The following HDAC4 variants were observed in gnomAD, a reference collection of about 807,000 sequenced individuals.
The protein encoded by HDAC4 is histone deacetylase A.
In HDAC4, 16 loss-of-function variants were observed where a neutral mutation model predicts 135.1. The ratio of observed to expected loss-of-function variants is 0.12; its 90% CI spans 0.08 to 0.18. The LOEUF (loss-of-function observed/expected upper bound fraction) is 0.18, where lower values mean the gene tolerates loss of function less well. Among genes scored for constraint, HDAC4 ranks in the 10% least tolerant of loss-of-function variants. HDAC4 has a pLI of 1.00. For missense variants in HDAC4, 1,143 were observed against 1,511.8 expected (o/e 0.76, Z 4.05); for synonymous variants, 685 against 653.4 (o/e 1.05, Z -0.74).
intron 2 of HDAC4, among the ~76,000 whole-genome samples, chr2:239,295,163 C>T (rs2051793376): frequency 1.3e-5 from 2 of 151,102 alleles, no homozygotes; most frequent in South Asian, 2.1e-4. Context: ...AAAAATTAGC[C>T]AGGCGTAGTG....
At chr2:239,384,586 C>T (rs1207703970) in intron 1 of HDAC4, among the ~76,000 whole-genome samples, 2 of 152,066 alleles carry the variant, frequency 1.3e-5, no homozygotes, top group African/African-American at 2.4e-5. Context: ...CACTGCACTC[C>T]GGCCTGCACA....
At chr2:239,329,652 T>C (rs1410846125) in intron 2 of HDAC4, among the ~76,000 whole-genome samples, 1 of 152,100 alleles carries the variant, frequency 6.6e-6, no homozygotes, top group Non-Finnish European at 1.5e-5. Flanking sequence ...ACAGGTTATT[T>C]ATATTTATCA....
chr2:239,385,491 G>C (rs987177560), intron 1 of HDAC4, among the ~76,000 whole-genome samples: 2 of 150,932 alleles, frequency 1.3e-5, no homozygotes, highest in African/African-American at 5.0e-5. Flanking sequence ...GGCAGAGCTA[G>C]AGCATGGAAA....
At chr2:239,082,481 C>A (rs1209724773) in intron 20 of HDAC4, among the ~76,000 whole-genome samples, 1 of 152,236 alleles carries the variant, frequency 6.6e-6, no homozygotes, top group Non-Finnish European at 1.5e-5. Flanking sequence ...AGCGCCATGG[C>A]ACAATCCTGA....
chr2:239,288,172 A>G (rs993947171), intron 2 of HDAC4, among the ~76,000 whole-genome samples: 2 of 152,210 alleles, frequency 1.3e-5, no homozygotes, highest in African/African-American at 4.8e-5. Context: ...GACAAGATTT[A>G]TCACAAACAA....
chr2:239,191,928 G>A (rs2044987486), intron 3 of HDAC4, among the ~76,000 whole-genome samples: 1 of 152,364 alleles, frequency 6.6e-6, no homozygotes, highest in South Asian at 2.1e-4. Flanking sequence ...CCACAGCGCA[G>A]CACGGGCTGC....
In HDAC4 at chr2:239,303,809, C is replaced by G. The variant is rs959519879; in HGVS notation, c.22+48869G>C. Among the ~76,000 whole-genome samples the G allele has an allele frequency of 2.6e-5, 4 of 152,172 alleles. No homozygotes were observed. Among genetic ancestry groups the G allele is most frequent in the African/African-American group, 9.7e-5 (4 of 41,430 alleles). ...GTGCTCAACTGCAGGGCGCGGCACT[C>G]GCCTATGCTCTCATGAAGCCCCGTG... is the stretch of plus-strand genomic sequence containing the variant. On this transcript the variant is annotated intron_variant, in intron 2 of 26. Transcript: ENST00000543185. This position sits in a 1 kb window ranked among gnomAD's most constrained non-coding sequence, Gnocchi z 5.1.
intron 14 of HDAC4, among the ~76,000 whole-genome samples, chr2:239,109,858 C>T (rs541682672): frequency 1.4e-4 from 21 of 152,272 alleles, no homozygotes; most frequent in Admixed American, 7.2e-4. Context: ...AGGTCACGTG[C>T]GCTAATATTT....
At chr2:239,342,536 G>A (rs746806285) in intron 2 of HDAC4, among the ~76,000 whole-genome samples, 5 of 152,146 alleles carry the variant, frequency 3.3e-5, no homozygotes, top group African/African-American at 4.8e-5. Flanking sequence ...GTTACAATAA[G>A]TTTTACTACT....
In HDAC4 at chr2:239,313,598, C is replaced by T. The variant is rs1188887820; in HGVS notation, c.22+39080G>A. On this transcript the variant is annotated intron_variant, in intron 2 of 26. Coordinates refer to ENST00000543185, the MANE Select transcript of HDAC4 (RefSeq NM_001378414.1). The surrounding 1 kb of genome is among the most constrained non-coding windows in gnomAD (Gnocchi z 5.1). ...TCAGGCCCTTAGCACCTCCTGACCC[C>T]CCGATCTCCCAGACTCTCTGCTGGA... is the stretch of plus-strand genomic sequence containing the variant. Among the ~76,000 whole-genome samples, 1 of 152,066 alleles carries T rather than the reference C, an allele frequency of 6.6e-6. No individual in the cohort carries two copies. The highest frequency in any genetic ancestry group is 1.5e-5 in the Non-Finnish European group (1 of 68,024).
At chr2:239,184,676 G>A (rs1218134040) in intron 4 of HDAC4, among the ~76,000 whole-genome samples, 1 of 115,616 alleles carries the variant, frequency 8.6e-6, no homozygotes, top group East Asian at 3.4e-4. Flanking sequence ...CTATGGGGGA[G>A]GTCCCTCAGT....
intron 2 of HDAC4, among the ~76,000 whole-genome samples, chr2:239,289,189 T>A (rs1043534039): frequency 6.6e-6 from 1 of 152,004 alleles, no homozygotes; most frequent in East Asian, 1.9e-4. Flanking sequence ...ATGAAACTGA[T>A]CCCCACCCTG....
intron 2 of HDAC4, among the ~76,000 whole-genome samples, chr2:239,284,678 G>C (rs2051031828): frequency 6.6e-6 from 1 of 152,108 alleles, no homozygotes; most frequent in Admixed American, 6.5e-5. Context: ...GTGGGAGGTG[G>C]GGCCTCCAGG....
At chr2:239,198,986 C>G (rs552407226) in intron 3 of HDAC4, among the ~76,000 whole-genome samples, 2 of 152,236 alleles carry the variant, frequency 1.3e-5, no homozygotes, top group South Asian at 4.1e-4. Context: ...TATGAAGTAG[C>G]CAGAAAGTGT....
chr2:239,269,086 C>T (rs1206209219), intron 2 of HDAC4, among the ~76,000 whole-genome samples: 1 of 152,160 alleles, frequency 6.6e-6, no homozygotes, highest in Non-Finnish European at 1.5e-5. Context: ...AATTTACCAG[C>T]AGATGGAAGC....
At chr2:239,378,777 T>C (rs532979305) in intron 1 of HDAC4, among the ~76,000 whole-genome samples, 72 of 152,312 alleles carry the variant, frequency 4.7e-4, no homozygotes, top group African/African-American at 1.7e-3. Context: ...TGGGCTCTTC[T>C]CTTGTTCACT....
intron 1 of HDAC4, among the ~76,000 whole-genome samples, chr2:239,398,176 C>T (rs1176567069): frequency 6.6e-6 from 1 of 152,252 alleles, no homozygotes; most frequent in African/African-American, 2.4e-5. Context: ...CTCTGCGGCT[C>T]CTTCGCGCCC....
intron 3 of HDAC4, among the ~76,000 whole-genome samples, chr2:239,213,379 C>G (rs190307221): frequency 6.6e-6 from 1 of 152,192 alleles, no homozygotes; most frequent in Non-Finnish European, 1.5e-5. Flanking sequence ...CAGCGGTGCC[C>G]GCGCCCCTCA....
At chr2:239,392,816 A>G (rs1696317314) in intron 1 of HDAC4, among the ~76,000 whole-genome samples, 1 of 152,188 alleles carries the variant, frequency 6.6e-6, no homozygotes, top group African/African-American at 2.4e-5. Flanking sequence ...ACTTTCTGCC[A>G]CTTGACTTAC....
Sources: allele counts gnomAD v4.1 joint callset (sites outside exome capture counted in the v4.1 genomes callset), GRCh38; gene constraint gnomAD v4.1.1; non-coding constraint Gnocchi (gnomAD v3.1); transcripts MANE v1.5; gene names NCBI Gene and HGNC (gene_info 2026-07-23, HGNC 2026-07-21).